The following PIBF1 variants were observed in gnomAD, a reference collection of about 807,000 sequenced individuals.
PIBF1 encodes progesterone immunomodulatory binding factor 1.
In PIBF1, 90 loss-of-function variants were observed where a neutral mutation model predicts 112.5. The ratio of observed to expected loss-of-function variants is 0.80; its 90% CI spans 0.67 to 0.95. The LOEUF is 0.95. PIBF1 is among the 40% of genes least tolerant of loss of function. The pLI is 0.00. For synonymous variants in PIBF1, 301 were observed against 288.6 expected, an observed-to-expected ratio of 1.04 and a Z score of -0.44; for missense variants, 915 against 852.3, an observed-to-expected ratio of 1.07 and a Z score of -0.92.
rs747564454 is a variant in PIBF1, at chr13:72,998,899, A to G, written c.2127A>G (p.Thr709=). ...HSENSLLLTK[T]EPKHVTENQK... The stretch of plus-strand genomic sequence containing the variant: ...AGAACAGCTTACTTCTCACTAAAAC[A>G]GAACCAAAACATGTGACAGAAAATC... The change falls in exon 17 of 18, where the codon ACA becomes ACG. Residue 709 remains threonine (T), a synonymous_variant. Transcript: ENST00000326291. 3.8e-5 allele frequency: 62 copies of G among 1,612,584 alleles called. No individual in the cohort carries two copies. In the Middle Eastern group the frequency reaches 9.9e-4, roughly 26 times the overall value.
chr13:72,871,914 A>T (rs2039183383), intron 10 of PIBF1, among the ~76,000 whole-genome samples: 1 of 152,072 alleles, frequency 6.6e-6, no homozygotes, highest in Non-Finnish European at 1.5e-5. Context: ...ACATTTTTTG[A>T]ATTCACCCTA....
At chr13:72,868,777 A>G (rs147971232) in intron 10 of PIBF1, among the ~76,000 whole-genome samples, 17 of 148,746 alleles carry the variant, frequency 1.1e-4, no homozygotes, top group African/African-American at 4.2e-4. Context: ...AGAGGCTACG[A>G]GTTTGAAACC....
chr13:72,827,006 A>G lies in PIBF1; in HGVS notation c.807-4A>G. ...ACATGTCTCTTTGAATTTTATTTTA[A>G]CAGTGAACGTGATGCACTTGAACAG... On this transcript the variant is annotated splice_region_variant and splice_polypyrimidine_tract_variant and intron_variant, in intron 6 of 17. Coordinates refer to ENST00000326291, the MANE Select transcript of PIBF1 (RefSeq NM_006346.4). 2 of 1,561,214 alleles carry G rather than the reference A, an allele frequency of 1.3e-6. No homozygotes were observed. Among genetic ancestry groups the G allele is most frequent in the Admixed American group, 1.8e-5 (1 of 55,068 alleles).
intron 8 of PIBF1, among the ~76,000 whole-genome samples, chr13:72,833,601 G>A (rs140079797): frequency 0.1 from 15,565 of 152,212 alleles, 1,066 homozygotes; most frequent in Non-Finnish European, 0.15. Flanking sequence ...AAAGATTGCT[G>A]CCTGATCTTT....
intron 16 of PIBF1, among the ~76,000 whole-genome samples, chr13:72,977,746 T>C (rs2043059783): frequency 6.6e-6 from 1 of 152,246 alleles, no homozygotes; most frequent in South Asian, 2.1e-4. Flanking sequence ...TCTTCTCTCA[T>C]GTTAAGAGTT....
chr13:73,011,304 G>T (rs1361021846), intron 17 of PIBF1, among the ~76,000 whole-genome samples: 1 of 152,182 alleles, frequency 6.6e-6, no homozygotes, highest in African/African-American at 2.4e-5. Context: ...GTATGGACAA[G>T]TCTGAAAGTT....
Position 72,827,018 on chromosome 13 carries a change from A to G in PIBF1, c.815A>G (p.Asp272Gly). The change falls in exon 7 of 18, where the codon GAT (aspartate) becomes GGT (glycine). Residue 272 changes from aspartate to glycine, a missense_variant. Physicochemically the swap from Asp to Gly is moderately conservative, Grantham distance 94 (BLOSUM62 -1). Coordinates refer to ENST00000326291, the MANE Select transcript of PIBF1 (RefSeq NM_006346.4). The part of the protein sequence containing the change: ...ENYDKVKSER[D>G]ALEQEVIELR... ...GAATTTTATTTTAACAGTGAACGTG[A>G]TGCACTTGAACAGGAAGTAATTGAG... 1.3e-6 allele frequency: 2 copies of G among 1,588,988 alleles called. No individual in the cohort carries two copies. The highest frequency in any genetic ancestry group is 1.7e-6 in the Non-Finnish European group (2 of 1,163,542).
At position 72,905,095 on chromosome 13, in the gene PIBF1, A is replaced by G. The variant is rs910866453; in HGVS notation, c.1489-3436A>G. Among the ~76,000 whole-genome samples the G allele has an allele frequency of 1.6e-3, 212 of 134,776 alleles. 2 individuals carry two copies. The highest frequency in any genetic ancestry group is 8.3e-3 in the Middle Eastern group (2 of 240). 88.4% of individuals were successfully genotyped at this position (134,776 alleles called of 152,430 possible). A position where few individuals can be genotyped will look rare whatever the true frequency, so the allele number is the denominator to read the frequency against. On this transcript the variant is annotated intron_variant, in intron 11 of 17. Coordinates refer to ENST00000326291, the MANE Select transcript of PIBF1 (RefSeq NM_006346.4). ...TTTTTTTTTTTGGAGACAGAGTCTCACTCTATCTGTCACCCAAGCTGTAGT... is the reference window on the plus strand; with the variant it reads ...TTTTTTTTTTTGGAGACAGAGTCTCGCTCTATCTGTCACCCAAGCTGTAGT...
chr13:72,934,425 G>A (rs2041803526), intron 14 of PIBF1, among the ~76,000 whole-genome samples: 1 of 152,268 alleles, frequency 6.6e-6, no homozygotes, highest in East Asian at 1.9e-4. Context: ...AGCCTCCCGA[G>A]TAGCTGGTAT....
chr13:72,948,951 G>A (rs2042221700), intron 14 of PIBF1, among the ~76,000 whole-genome samples: 2 of 152,288 alleles, frequency 1.3e-5, no homozygotes, highest in South Asian at 4.1e-4. Flanking sequence ...CTACAGTTGA[G>A]GATGAACTTT....
intron 14 of PIBF1, among the ~76,000 whole-genome samples, chr13:72,938,580 A>G (rs746225946): frequency 1.4e-4 from 21 of 152,144 alleles, no homozygotes; most frequent in Non-Finnish European, 2.8e-4. Context: ...CAGATTAACT[A>G]CATTTTGTTT....
rs551320722 is a variant in PIBF1, at chr13:72,857,215, C to T, written c.1322+3060C>T. Reference sequence around the variant, plus strand: ...GCTAAGGGGAAAAGAAAATTGAGATCCATACCTCATAACTTACACCAAGAT... The same window carrying T: ...GCTAAGGGGAAAAGAAAATTGAGATTCATACCTCATAACTTACACCAAGAT... On this transcript the variant is annotated intron_variant, in intron 10 of 17. Transcript: ENST00000326291. 2.6e-5 allele frequency among the ~76,000 whole-genome samples: 4 copies of T among 152,248 alleles called. No homozygotes were observed. In the East Asian group the frequency reaches 7.7e-4, roughly 29 times the overall value.
intron 14 of PIBF1, among the ~76,000 whole-genome samples, chr13:72,964,772 A>G (rs2042695410): frequency 1.3e-5 from 2 of 152,134 alleles, no homozygotes; most frequent in South Asian, 4.1e-4. Flanking sequence ...TTTTATTTAA[A>G]ATTTTTTCAG....
chr13:72,908,409 A>G lies in PIBF1; in HGVS notation c.1489-122A>G, dbSNP rs555023497. On this transcript the variant is annotated intron_variant, in intron 11 of 17. Transcript: ENST00000326291. ...ATTTCCTCATTAGTCATCTTAATTGAGCTACTTTCTCTTAATATTTAAATA... is the reference window on the plus strand; with the variant it reads ...ATTTCCTCATTAGTCATCTTAATTGGGCTACTTTCTCTTAATATTTAAATA... The G allele has an allele frequency of 6.8e-6, 3 of 441,820 alleles. No homozygotes were observed. The East Asian group carries it at 1.1e-4, about 16-fold the overall frequency. The allele number at this position is 441,820 out of a possible 1,614,324, so 27.4% of individuals were successfully genotyped here.
At chr13:72,896,492 T>C (rs553483088) in intron 11 of PIBF1, among the ~76,000 whole-genome samples, 1 of 152,208 alleles carries the variant, frequency 6.6e-6, no homozygotes, top group African/African-American at 2.4e-5. Flanking sequence ...AGGTTAGTTA[T>C]TGAGCTAGTA....
intron 16 of PIBF1, among the ~76,000 whole-genome samples, chr13:72,987,684 GTT>G (rs35607617): frequency 7.1e-6 from 1 of 141,090 alleles, no homozygotes; most frequent in Non-Finnish European, 1.5e-5. Flanking sequence ...TTCCTTTGTT[GTT>G]TTTTTTTTTG....
At chr13:72,921,161 G>A (rs1230507049) in intron 13 of PIBF1, among the ~76,000 whole-genome samples, 12 of 152,096 alleles carry the variant, frequency 7.9e-5, no homozygotes, top group Non-Finnish European at 1.8e-4. Flanking sequence ...GGAGTGCAGT[G>A]GCATGATCTC....
At chr13:72,838,617 T>C (rs947529311) in intron 9 of PIBF1, among the ~76,000 whole-genome samples, 11 of 152,156 alleles carry the variant, frequency 7.2e-5, no homozygotes, top group African/African-American at 2.7e-4. Context: ...AGGTTGGTGT[T>C]TAACTTATTT....
At chr13:72,990,829 CAG>C (rs1393903265) in intron 16 of PIBF1, among the ~76,000 whole-genome samples, 2 of 152,204 alleles carry the variant, frequency 1.3e-5, no homozygotes, top group Non-Finnish European at 2.9e-5. Context: ...GCCTGAGTGA[CAG>C]AGCGAGACTC....
Sources: allele counts gnomAD v4.1 joint callset (sites outside exome capture counted in the v4.1 genomes callset), GRCh38; gene constraint gnomAD v4.1.1; transcripts MANE v1.5; gene names NCBI Gene and HGNC (gene_info 2026-07-23, HGNC 2026-07-21).